The following SCLY variants were observed in gnomAD, a reference collection of about 807,000 sequenced individuals.
The protein encoded by SCLY is putative selenocysteine lyase.
SCLY carries 38 observed loss-of-function variants against 50.1 expected under a neutral mutation model. That is an observed-to-expected ratio of 0.76 (90% CI 0.59 to 0.99). The LOEUF (loss-of-function observed/expected upper bound fraction) is 0.99. SCLY is among the 50% of genes least tolerant of loss of function. The pLI is 0.00. For synonymous variants in SCLY, 243 were observed against 249.4 expected (o/e 0.97, Z 0.24); for missense variants, 600 against 620.0 (o/e 0.97, Z 0.34).
Position 238,098,197 on chromosome 2 carries a change from C to T in SCLY, c.1185-5C>T, listed in dbSNP as rs1456735652. On this transcript the variant is annotated splice_region_variant and splice_polypyrimidine_tract_variant and intron_variant, in intron 11 of 11. Coordinates refer to ENST00000254663, the MANE Select transcript of SCLY (RefSeq NM_016510.7). The stretch of plus-strand genomic sequence containing the variant: ...GCAGCTGCAGCTCGGTCTCGCCCTC[C>T]CCAGGCCGTCCCCAGTGCTGCTGAG... 2 of 1,609,418 alleles carry T rather than the reference C, an allele frequency of 1.2e-6. No homozygotes were observed. The highest frequency in any genetic ancestry group is 3.3e-5 in the Admixed American group (2 of 59,864).
chr2:238,063,962 C>G (rs2065044577), intron 1 of SCLY, among the ~76,000 whole-genome samples: 3 of 152,130 alleles, frequency 2.0e-5, no homozygotes, highest in South Asian at 4.1e-4. Context: ...AGTGCAGTGG[C>G]TATTCATAGG....
chr2:238,086,687 C>CA (rs1316601739), intron 7 of SCLY, among the ~76,000 whole-genome samples: 7 of 118,556 alleles, frequency 5.9e-5, no homozygotes, highest in East Asian at 4.9e-4. Flanking sequence ...GCCTGGGCAA[C>CA]AGAGCAAGAC....
intron 8 of SCLY, chr2:238,091,545 T>TC: frequency 9.3e-5 from 32 of 343,942 alleles, no homozygotes; most frequent in South Asian, 2.7e-4. Flanking sequence ...AAGCTGCAGG[T>TC]TCACCATTCC....
At chr2:238,068,359 A>G in intron 3 of SCLY, 194 bp downstream of exon 3, 1 of 428,186 alleles carries the variant, frequency 2.3e-6, no homozygotes, top group East Asian at 4.0e-5. Context: ...GACCTCCCTG[A>G]GCAACATAGG....
chr2:238,099,206 C>G lies in SCLY; in HGVS notation c.*851C>G, dbSNP rs766248240. The G allele has an allele frequency of 6.4e-6, 3 of 470,854 alleles. No individual in the cohort carries two copies. Among genetic ancestry groups the G allele is most frequent in the Admixed American group, 2.4e-5 (1 of 42,486 alleles). The allele number at this position is 470,854 out of a possible 1,614,324, so 29.2% of individuals were successfully genotyped here. A position where few individuals can be genotyped will look rare whatever the true frequency, so the allele number is the denominator to read the frequency against. ...GGGAATCGGATCATCCCTGACTCAG[C>G]TTTTACCTTAATTTTATTTGCAGAG... On this transcript the variant is annotated 3_prime_UTR_variant, in exon 12 of 12. Coordinates refer to ENST00000254663, the MANE Select transcript of SCLY (RefSeq NM_016510.7).
intron 1 of SCLY, 85 bp from the exon 2 acceptor site, chr2:238,064,272 G>C (rs531407318): frequency 1.3e-6 from 1 of 776,622 alleles, no homozygotes; most frequent in African/African-American, 1.8e-5. Context: ...ATTTGCTCCT[G>C]CCGATGGGAT....
Position 238,069,405 on chromosome 2 carries a change from T to C in SCLY, c.412T>C (p.Phe138Leu). The change falls in exon 4 of 12, where the codon TTC becomes CTC. Residue 138 changes from phenylalanine (F) to leucine (L), a missense_variant. Coordinates refer to ENST00000254663, the MANE Select transcript of SCLY (RefSeq NM_016510.7). The surrounding 1 kb of genome is among the most constrained non-coding windows in gnomAD (Gnocchi z 5.0). The stretch of plus-strand genomic sequence containing the variant: ...CCCAGTGAAGGGGGCCAAGCCCCAT[T>C]TCATTACTTCCTCGGTGGAACACGA... ...HSPVKGAKPHFITSSVEHDSI... is the reference protein window; with the variant it reads ...HSPVKGAKPHLITSSVEHDSI... The C allele has an allele frequency of 1.2e-6, 2 of 1,613,994 alleles. No individual in the cohort carries two copies. The highest frequency in any genetic ancestry group is 1.7e-6 in the Non-Finnish European group (2 of 1,179,948).
At chr2:238,063,010 A>C (rs1002173275) in intron 1 of SCLY, among the ~76,000 whole-genome samples, 1 of 152,160 alleles carries the variant, frequency 6.6e-6, no homozygotes, top group South Asian at 2.1e-4. Context: ...TCATCTTATA[A>C]AAATCAGGCC....
chr2:238,082,017 A>G (rs1370048030), intron 5 of SCLY, 28 bp from the exon 6 acceptor site: 1 of 1,604,946 alleles, frequency 6.2e-7, no homozygotes, highest in Non-Finnish European at 8.5e-7. Flanking sequence ...TCGGAGCAAC[A>G]TACTCAACTG....
chr2:238,083,218 GT>G lies in SCLY; in HGVS notation c.778-28del. 1 of 1,495,422 alleles carries G rather than the reference GT, an allele frequency of 6.7e-7. No homozygotes were observed. The highest frequency in any genetic ancestry group is 9.3e-7 in the Non-Finnish European group (1 of 1,072,220). 92.6% of individuals were successfully genotyped at this position (1,495,422 alleles called of 1,614,324 possible). On this transcript the variant is annotated intron_variant, in intron 6 of 11. Coordinates refer to ENST00000254663, the MANE Select transcript of SCLY (RefSeq NM_016510.7). This position sits in a 1 kb window ranked among gnomAD's most constrained non-coding sequence, Gnocchi z 4.3. Reference sequence around the variant, plus strand: ...CAGAGTAGGTCCTTGGAAAGTTCTTGTTGAATAAATGACCAACTTTTCCTTC... The same window carrying G: ...CAGAGTAGGTCCTTGGAAAGTTCTTGTGAATAAATGACCAACTTTTCCTTC...
chr2:238,091,320 G>T, intron 8 of SCLY, 66 bp downstream of exon 8: 1 of 1,319,546 alleles, frequency 7.6e-7, no homozygotes, highest in Non-Finnish European at 1.1e-6. Flanking sequence ...AGCGGCTCTA[G>T]TAGGAATCTG....
At chr2:238,095,178 AGAGT>A (rs1330279649) in intron 10 of SCLY, among the ~76,000 whole-genome samples, 1 of 152,210 alleles carries the variant, frequency 6.6e-6, no homozygotes, top group East Asian at 1.9e-4. Flanking sequence ...CTTGGGTGAC[AGAGT>A]GAGTGAGACT....
intron 3 of SCLY, among the ~76,000 whole-genome samples, chr2:238,068,921 A>C (rs2065101460): frequency 6.6e-6 from 1 of 152,266 alleles, no homozygotes; most frequent in Admixed American, 6.5e-5. Context: ...AATGGCCCAC[A>C]GTAGAGGTTG....
chr2:238,061,278 G>T, intron 1 of SCLY, 135 bp downstream of exon 1: 1 of 757,034 alleles, frequency 1.3e-6, no homozygotes, highest in South Asian at 1.5e-5. Flanking sequence ...CCGCGAGGTC[G>T]GCCTAAGTCA....
rs759837919 is a variant in SCLY, at chr2:238,098,329, G to A, written c.1312G>A (p.Val438Met). Residue 438 changes from valine to methionine, a missense_variant, in exon 12 of 12, where the codon GTG becomes ATG. Coordinates refer to ENST00000254663, the MANE Select transcript of SCLY (RefSeq NM_016510.7). ...DLVVQDLKQA[V>M]AQLEDQA ...CGTCGTGCAGGACCTGAAGCAGGCC[G>A]TGGCGCAGCTGGAGGACCAGGCCTA... The A allele has an allele frequency of 3.4e-5, 54 of 1,603,648 alleles. No individual in the cohort carries two copies. The Admixed American group carries it at 7.4e-4, about 22-fold the overall frequency.
chr2:238,094,390 G>A, intron 9 of SCLY, 30 bp from the exon 10 acceptor site: 2 of 1,582,640 alleles, frequency 1.3e-6, no homozygotes, highest in Non-Finnish European at 8.7e-7. Context: ...CTTTGAAGCT[G>A]TCACCAAATA....
intron 9 of SCLY, 80 bp downstream of exon 9, chr2:238,094,024 C>T: frequency 1.6e-6 from 2 of 1,269,386 alleles, no homozygotes; most frequent in Admixed American, 3.9e-5. Flanking sequence ...GTGGTGCTCC[C>T]AGACCCCAGG....
chr2:238,081,363 C>G (rs918488752), intron 4 of SCLY: 7 of 210,960 alleles, frequency 3.3e-5, no homozygotes, highest in African/African-American at 1.6e-4. Context: ...GGCTCGGTGC[C>G]AAATGCATGG....
At chr2:238,098,153 C>T (rs2065459565) in intron 11 of SCLY, 49 bp from the exon 12 acceptor site, 2 of 1,588,780 alleles carry the variant, frequency 1.3e-6, no homozygotes, top group African/African-American at 1.3e-5. Flanking sequence ...GGCTGTGTCT[C>T]TTCCATGTGC....
Sources: gnomAD v4.1 joint callset for allele counts (sites outside exome capture counted in the v4.1 genomes callset) on GRCh38, gnomAD v4.1.1 for gene constraint, Gnocchi (gnomAD v3.1) non-coding constraint, MANE v1.5 for transcripts, NCBI Gene and HGNC (gene_info 2026-07-23, HGNC 2026-07-21) for gene names.